Variants in AP2B1 observed in about 807,000 individuals in gnomAD.
AP2B1 encodes adaptor related protein complex 2 subunit beta 1.
AP2B1 carries 23 observed loss-of-function variants against 102.0 expected under a neutral mutation model. That is an observed-to-expected ratio of 0.23 (90% CI 0.16 to 0.32). The LOEUF is 0.32. Among genes scored for constraint, AP2B1 ranks in the 10% least tolerant of loss-of-function variants. AP2B1 has a pLI of 1.00. For missense variants in AP2B1, 541 were observed against 1,157.4 expected, an observed-to-expected ratio of 0.47 and a Z score of 7.73; for synonymous variants, 381 against 421.2, an observed-to-expected ratio of 0.90 and a Z score of 1.17.
intron 3 of AP2B1, chr17:35,600,858 G>A (rs193101747): frequency 7.8e-6 from 2 of 257,770 alleles, no homozygotes; most frequent in African/African-American, 4.6e-5. Flanking sequence ...AAAAGGTGAG[G>A]GCTGCTTCCC....
chr17:35,651,379 C>T (rs958931318), intron 13 of AP2B1, among the ~76,000 whole-genome samples: 5 of 151,992 alleles, frequency 3.3e-5, no homozygotes, highest in Admixed American at 3.3e-4. Context: ...TATGAAAAGG[C>T]TCTTGGGTAA....
At chr17:35,650,907 T>G (rs2075070304) in intron 13 of AP2B1, 118 bp downstream of exon 13, 1 of 1,226,378 alleles carries the variant, frequency 8.2e-7, no homozygotes, top group Non-Finnish European at 1.1e-6. Flanking sequence ...TCTTTATGCT[T>G]TTATAGTCTG....
intron 5 of AP2B1, among the ~76,000 whole-genome samples, chr17:35,608,602 G>A: frequency 6.6e-6 from 1 of 152,110 alleles, no homozygotes; most frequent in East Asian, 1.9e-4. Flanking sequence ...GCAAATCTTT[G>A]TATTGTACTT....
rs544201737 is a variant in AP2B1 at position 35,601,420 on chromosome 17, C to A, written c.143+3085C>A. Among the ~76,000 whole-genome samples the A allele has an allele frequency of 3.9e-5, 6 of 152,296 alleles. No individual in the cohort carries two copies. The South Asian group carries it at 1.2e-3, about 32-fold the overall frequency. On this transcript the variant is annotated intron_variant, in intron 3 of 21. Coordinates refer to ENST00000610402, the MANE Select transcript of AP2B1 (RefSeq NM_001030006.2). ...TCTCGGCCCACTGCAGCCTCTGCCT[C>A]CCGGGTTCAAGGGATTCTCCTGCCT...
intron 10 of AP2B1, among the ~76,000 whole-genome samples, 184 bp from the exon 11 acceptor site, chr17:35,639,411 T>C (rs1033918618): frequency 1.3e-5 from 2 of 152,196 alleles, no homozygotes; most frequent in Non-Finnish European, 2.9e-5. Context: ...TAAAAAATAA[T>C]TGAAGGGAAA....
chr17:35,594,015 T>A lies in AP2B1; in HGVS notation c.-16T>A. 1 of 1,576,290 alleles carries A rather than the reference T, an allele frequency of 6.3e-7. No homozygotes were observed. The highest frequency in any genetic ancestry group is 2.3e-5 in the East Asian group (1 of 43,390). ...TCTTTTCTCTTGCTATAGGTGCACATTAAAGATCCAAAGTCATGACTGACT... is the reference window on the plus strand; with the variant it reads ...TCTTTTCTCTTGCTATAGGTGCACAATAAAGATCCAAAGTCATGACTGACT... On this transcript the variant is annotated 5_prime_UTR_variant, in exon 2 of 22. Coordinates refer to ENST00000610402, the MANE Select transcript of AP2B1 (RefSeq NM_001030006.2).
chr17:35,723,667 T>C lies in AP2B1; in HGVS notation c.2824T>C (p.Tyr942His), dbSNP rs1191455992. 3 of 1,602,468 alleles carry C rather than the reference T, an allele frequency of 1.9e-6. No individual in the cohort carries two copies. Among genetic ancestry groups the C allele is most frequent in the Non-Finnish European group, 2.6e-6 (3 of 1,174,020 alleles). ...CRAPEVSQYI[Y>H]QVYDSILKN is the part of the protein sequence containing the mutation. ...AGCTCCTGAAGTCTCTCAATACATC[T>C]ATCAGGTCTACGACAGCATTTTGAA... Residue 942 changes from tyrosine (Y) to histidine (H), a missense_variant, in exon 22 of 22, where the codon TAT becomes CAT. Coordinates refer to ENST00000610402, the MANE Select transcript of AP2B1 (RefSeq NM_001030006.2).
At chr17:35,598,203 T>C (rs2142330772) in intron 2 of AP2B1, 27 bp from the exon 3 acceptor site, 1 of 1,494,818 alleles carries the variant, frequency 6.7e-7, no homozygotes. Flanking sequence ...TACTGGAACC[T>C]TACCAGTTTG....
chr17:35,658,270 T>C (rs967201107), intron 14 of AP2B1, among the ~76,000 whole-genome samples: 3 of 114,816 alleles, frequency 2.6e-5, no homozygotes, highest in Admixed American at 1.1e-4. Flanking sequence ...AGCCTTTTTT[T>C]TTCTTCTTCT....
At chr17:35,600,640 G>A (rs551830721) in intron 3 of AP2B1, among the ~76,000 whole-genome samples, 1 of 152,210 alleles carries the variant, frequency 6.6e-6, no homozygotes, top group African/African-American at 2.4e-5. Context: ...AAAAAGCAGT[G>A]TCACCATCTC....
intron 5 of AP2B1, among the ~76,000 whole-genome samples, chr17:35,622,662 A>G (rs1212100217): frequency 6.6e-6 from 1 of 151,948 alleles, no homozygotes; most frequent in Non-Finnish European, 1.5e-5. Context: ...ATACTTGGAG[A>G]ATATTTATTT....
chr17:35,634,474 A>G (rs2074550767), intron 9 of AP2B1, among the ~76,000 whole-genome samples: 1 of 152,146 alleles, frequency 6.6e-6, no homozygotes, highest in Non-Finnish European at 1.5e-5. Flanking sequence ...CTGGTCCTTG[A>G]CTTTTAGGAT....
intron 18 of AP2B1, among the ~76,000 whole-genome samples, chr17:35,708,515 T>G (rs2076388470): frequency 6.6e-6 from 1 of 152,180 alleles, no homozygotes; most frequent in South Asian, 2.1e-4. Context: ...AAGTTTGTAT[T>G]GTGAGAAGAA....
chr17:35,690,876 G>A (rs1230808834), intron 18 of AP2B1, among the ~76,000 whole-genome samples: 1 of 152,200 alleles, frequency 6.6e-6, no homozygotes, highest in East Asian at 1.9e-4. Context: ...CCTCTGCCTA[G>A]AGGTCTGATA....
In AP2B1 at chr17:35,674,251, A is replaced by G. The variant is rs1273429846; in HGVS notation, c.2254A>G (p.Met752Val). 1.9e-5 allele frequency: 30 copies of G among 1,614,108 alleles called. No individual in the cohort carries two copies. The highest frequency in any genetic ancestry group is 2.4e-5 in the Non-Finnish European group (28 of 1,180,046). The change falls in exon 17 of 22, where the codon ATG (methionine) becomes GTG (valine). Residue 752 changes from methionine (M) to valine (V), a missense_variant. Physicochemically the swap from Met to Val is conservative, Grantham distance 21. This residue lies in a region of AP2B1 where 62 missense variants were observed against 87.6 expected (regional missense o/e 0.71). Transcript: ENST00000610402. The stretch of plus-strand genomic sequence containing the variant: ...TACTCACCGCCAAGGGCACATCTAT[A>G]TGGAAATGAACTTCACCAATAAAGC... The part of the protein sequence containing the change: ...TFTHRQGHIY[M>V]EMNFTNKALQ...
chr17:35,717,854 G>A (rs1234083628), intron 21 of AP2B1, among the ~76,000 whole-genome samples: 2 of 152,168 alleles, frequency 1.3e-5, no homozygotes, highest in Admixed American at 6.5e-5. Flanking sequence ...CTTTGGAAGC[G>A]TATAAGGGGA....
intron 14 of AP2B1, among the ~76,000 whole-genome samples, chr17:35,659,538 A>G (rs375575844): frequency 1.7e-4 from 26 of 152,208 alleles, no homozygotes; most frequent in African/African-American, 6.3e-4. Flanking sequence ...CAAAGGGAAA[A>G]GCTGTTAGAA....
chr17:35,694,843 G>A (rs1267254118), intron 18 of AP2B1, among the ~76,000 whole-genome samples: 1 of 152,090 alleles, frequency 6.6e-6, no homozygotes, highest in Non-Finnish European at 1.5e-5. Flanking sequence ...AGATTGTGCT[G>A]TTGCACTCCA....
At chr17:35,685,538 A>G (rs1054878250) in intron 18 of AP2B1, among the ~76,000 whole-genome samples, 2 of 152,100 alleles carry the variant, frequency 1.3e-5, no homozygotes, top group East Asian at 1.9e-4. Flanking sequence ...AAAATTGGGA[A>G]AAAAAAATGT....
Sources: gnomAD v4.1 joint callset for allele counts (sites outside exome capture counted in the v4.1 genomes callset) on GRCh38, gnomAD v4.1.1 for gene constraint, gnomAD v4.1.1 regional missense constraint, MANE v1.5 for transcripts, NCBI Gene and HGNC (gene_info 2026-07-23, HGNC 2026-07-21) for gene names.